Variants in CELF2 observed in about 807,000 individuals in gnomAD.
CELF2 encodes the protein CUG triplet repeat RNA-binding protein 2.
CELF2 carries 8 observed loss-of-function variants against 62.6 expected under a neutral mutation model. The observed-to-expected ratio is 0.13, with a 90% CI of 0.07 to 0.23. The LOEUF (loss-of-function observed/expected upper bound fraction) is 0.23. CELF2 is among the 10% of genes least tolerant of loss of function. CELF2 has a pLI of 1.00. For missense variants in CELF2, 333 were observed against 671.0 expected (o/e 0.50, Z 5.56); for synonymous variants, 258 against 250.0 (o/e 1.03, Z -0.30).
At chr10:10,635,998 T>C in the CELF2 span, among the ~76,000 whole-genome samples, 9 of 152,332 alleles carry the variant, frequency 5.9e-5, no homozygotes, top group South Asian at 1.9e-3. Context: ...AACAGAAATA[T>C]ATGTGATAAA....
chr10:10,513,811 A>G, the CELF2 span, among the ~76,000 whole-genome samples: 1 of 152,196 alleles, frequency 6.6e-6, no homozygotes, highest in African/African-American at 2.4e-5. Context: ...AAAGCAATAT[A>G]TGTTAGCAAA....
chr10:11,306,660 T>C lies in CELF2; in HGVS notation c.977-7479T>C, dbSNP rs11257053. 0.064 allele frequency among the ~76,000 whole-genome samples: 9,739 copies of C among 152,264 alleles called. 360 individuals are homozygous for C. The highest frequency in any genetic ancestry group is 0.085 in the Middle Eastern group (25 of 294). ...GGTGAATTTTCAAAGTATTGTCTGA[T>C]GATGTAGAGTGCACAGGGAGTCTTT... is the stretch of plus-strand genomic sequence containing the variant. On this transcript the variant is annotated intron_variant, in intron 9 of 12. Coordinates refer to ENST00000633077, the MANE Select transcript of CELF2 (RefSeq NM_001326342.2). The surrounding 1 kb of genome is among the most constrained non-coding windows in gnomAD (Gnocchi z 4.4).
In CELF2 at chr10:11,298,875, C is replaced by T. The variant is rs369615993; in HGVS notation, c.976+10323C>T. On this transcript the variant is annotated intron_variant, in intron 9 of 12. Coordinates refer to ENST00000633077, the MANE Select transcript of CELF2 (RefSeq NM_001326342.2). Reference sequence around the variant, plus strand: ...AGGGCTGATGATGTTTAGGTTAAAACTAGAATAAGGTCCGATGATGTTTAA... The same window carrying T: ...AGGGCTGATGATGTTTAGGTTAAAATTAGAATAAGGTCCGATGATGTTTAA... Among the ~76,000 whole-genome samples the T allele has an allele frequency of 5.3e-5, 8 of 152,082 alleles. No individual in the cohort carries two copies. The East Asian group carries it at 1.5e-3, about 29-fold the overall frequency.
chr10:11,205,267 C>G (rs879525379), intron 2 of CELF2, among the ~76,000 whole-genome samples: 1 of 152,160 alleles, frequency 6.6e-6, no homozygotes, highest in Non-Finnish European at 1.5e-5. Flanking sequence ...ACAGCGGCAG[C>G]GCAGCCTGCG....
At chr10:11,139,803 C>T (rs1359623790) in intron 1 of CELF2, among the ~76,000 whole-genome samples, 1 of 151,894 alleles carries the variant, frequency 6.6e-6, no homozygotes, top group Non-Finnish European at 1.5e-5. Flanking sequence ...CTCCCCGTTT[C>T]CTTTCCCAGT....
Position 11,325,898 on chromosome 10 carries a change from C to G in CELF2, c.1357C>G (p.Leu453Val). ...ACAGGAATTTGGAGACCAGGACATT[C>G]TGCAGATGTTCATGCCTTTTGGAAA... ...LPQEFGDQDI[L>V]QMFMPFGNVI... Residue 453 changes from leucine (L) to valine (V), a missense_variant, in exon 12 of 13, where the codon CTG (leucine) becomes GTG (valine). By Grantham distance (32) the Leu-to-Val change is conservative (BLOSUM62 1). This residue lies in a region of CELF2 where 35 missense variants were observed against 128.1 expected (regional missense o/e 0.27). Coordinates refer to ENST00000633077, the MANE Select transcript of CELF2 (RefSeq NM_001326342.2). The G allele has an allele frequency of 6.2e-7, 1 of 1,614,152 alleles. No individual in the cohort carries two copies. The highest frequency in any genetic ancestry group is 8.5e-7 in the Non-Finnish European group (1 of 1,179,972).
chr10:10,476,717 G>T, the CELF2 span, among the ~76,000 whole-genome samples: 1 of 152,044 alleles, frequency 6.6e-6, no homozygotes, highest in Non-Finnish European at 1.5e-5. Context: ...CTGAATATAA[G>T]ATATTTTAAA....
Position 11,302,213 on chromosome 10 carries a change from A to G in CELF2, c.977-11926A>G, listed in dbSNP as rs1180664444. Reference sequence around the variant, plus strand: ...TTCCTGTCACAAACCAAACCTTCCCACTCCCTGCAGCCTCTCACCTTCTCA... The same window carrying G: ...TTCCTGTCACAAACCAAACCTTCCCGCTCCCTGCAGCCTCTCACCTTCTCA... On this transcript the variant is annotated intron_variant, in intron 9 of 12. Transcript: ENST00000633077. The surrounding 1 kb of genome is among the most constrained non-coding windows in gnomAD (Gnocchi z 5.0). Among the ~76,000 whole-genome samples the G allele has an allele frequency of 6.6e-6, 1 of 151,304 alleles. No homozygotes were observed. Among genetic ancestry groups the G allele is most frequent in the Non-Finnish European group, 1.5e-5 (1 of 67,878 alleles).
intron 1 of CELF2, among the ~76,000 whole-genome samples, chr10:11,107,398 C>G (rs1033185448): frequency 6.6e-6 from 1 of 152,172 alleles, no homozygotes; most frequent in Non-Finnish European, 1.5e-5. Context: ...GGAATCCTCT[C>G]ATCCACCAAT....
chr10:10,588,267 G>C, the CELF2 span, among the ~76,000 whole-genome samples: 1 of 152,124 alleles, frequency 6.6e-6, no homozygotes, highest in African/African-American at 2.4e-5. Flanking sequence ...CCACAGGAGA[G>C]AAAGAAACTC....
rs2075899809 is a variant in CELF2 at position 11,247,342 on chromosome 10, C to T, written c.355-1811C>T. On this transcript the variant is annotated intron_variant, in intron 3 of 12. Transcript: ENST00000633077. This position sits in a 1 kb window ranked among gnomAD's most constrained non-coding sequence, Gnocchi z 5.4. Reference sequence around the variant, plus strand: ...GCTCCCTGTGAGAGGGAACTGTCACCCTTCCACTTCCTGGGTCACTGCGGG... The same window carrying T: ...GCTCCCTGTGAGAGGGAACTGTCACTCTTCCACTTCCTGGGTCACTGCGGG... Among the ~76,000 whole-genome samples the T allele has an allele frequency of 1.3e-5, 2 of 152,336 alleles. No individual in the cohort carries two copies. The highest frequency in any genetic ancestry group is 4.1e-4 in the South Asian group (2 of 4,828).
chr10:10,579,806 C>G, the CELF2 span, among the ~76,000 whole-genome samples: 1 of 151,908 alleles, frequency 6.6e-6, no homozygotes, highest in South Asian at 2.1e-4. Flanking sequence ...GAGAAAGAAA[C>G]AAAATTGTTT....
intron 2 of CELF2, among the ~76,000 whole-genome samples, chr10:10,974,145 A>G (rs2051074731): frequency 6.6e-6 from 1 of 152,180 alleles, no homozygotes; most frequent in Non-Finnish European, 1.5e-5. Context: ...TCTACCTTAC[A>G]AGGGAGCTGT....
intron 1 of CELF2, among the ~76,000 whole-genome samples, chr10:10,896,215 G>C (rs2062542186): frequency 6.6e-6 from 1 of 152,180 alleles, no homozygotes; most frequent in Non-Finnish European, 1.5e-5. Flanking sequence ...CCATCAGCCA[G>C]ACAGGAACAC....
chr10:10,839,517 CT>C (rs1189553542), intron 1 of CELF2, among the ~76,000 whole-genome samples: 1 of 152,206 alleles, frequency 6.6e-6, no homozygotes, highest in African/African-American at 2.4e-5. Flanking sequence ...TAAGAAACAA[CT>C]TTATCAACTA....
the CELF2 span, among the ~76,000 whole-genome samples, chr10:10,777,483 A>G: frequency 4.0e-5 from 6 of 151,884 alleles, no homozygotes; most frequent in African/African-American, 1.5e-4. Flanking sequence ...TTCATCCTCA[A>G]CATCCCATCA....
At chr10:10,822,608 G>A (rs2057055644) in intron 1 of CELF2, among the ~76,000 whole-genome samples, 4 of 152,194 alleles carry the variant, frequency 2.6e-5, no homozygotes, top group Admixed American at 2.0e-4. Flanking sequence ...GGGAAAAGAT[G>A]TCTTTTTAAG....
At chr10:10,474,733 G>T in the CELF2 span, among the ~76,000 whole-genome samples, 1 of 152,010 alleles carries the variant, frequency 6.6e-6, no homozygotes, top group Non-Finnish European at 1.5e-5. Context: ...CACCAGTAAG[G>T]GTTTGAACTG....
chr10:11,079,102 C>G (rs759894839), intron 1 of CELF2, among the ~76,000 whole-genome samples: 3 of 152,226 alleles, frequency 2.0e-5, no homozygotes, highest in South Asian at 2.1e-4. Flanking sequence ...ACTCCCTACC[C>G]TCTCTGGAGT....
Sources: gnomAD v4.1 joint callset for allele counts (sites outside exome capture counted in the v4.1 genomes callset) on GRCh38, gnomAD v4.1.1 for gene constraint, gnomAD v4.1.1 regional missense constraint, Gnocchi (gnomAD v3.1) non-coding constraint, MANE v1.5 for transcripts, NCBI Gene and HGNC (gene_info 2026-07-23, HGNC 2026-07-21) for gene names.